ZBTB7C: variants seen among roughly 807,000 people sequenced by gnomAD.
The protein encoded by ZBTB7C is zinc finger and BTB domain-containing protein 7C.
A neutral mutation model predicts 25.7 loss-of-function variants in ZBTB7C; 8 were observed. The ratio of observed to expected loss-of-function variants is 0.31; its 90% CI spans 0.18 to 0.56. The LOEUF (loss-of-function observed/expected upper bound fraction) is 0.56. ZBTB7C is among the 20% of genes least tolerant of loss of function. The pLI is 0.91. For missense variants in ZBTB7C, 824 were observed against 855.2 expected (o/e 0.96, Z 0.46); for synonymous variants, 394 against 369.0 (o/e 1.07, Z -0.78).
intron 2 of ZBTB7C, among the ~76,000 whole-genome samples, chr18:48,239,364 G>T (rs1307747094): frequency 6.6e-6 from 1 of 152,190 alleles, no homozygotes; most frequent in Admixed American, 6.5e-5. Context: ...CCTTGAAAGT[G>T]CTACCTCCTG....
At chr18:48,081,563 A>G (rs372263406) in intron 3 of ZBTB7C, among the ~76,000 whole-genome samples, 3 of 151,222 alleles carry the variant, frequency 2.0e-5, no homozygotes, top group East Asian at 1.9e-4. Context: ...GGTTCATGCC[A>G]TTCTCCTGCC....
At chr18:48,199,372 T>A (rs1304535846) in intron 2 of ZBTB7C, among the ~76,000 whole-genome samples, 17 of 152,230 alleles carry the variant, frequency 1.1e-4, no homozygotes, top group Non-Finnish European at 1.5e-5. Flanking sequence ...TGTCTTCTTT[T>A]CCCACATTCT....
chr18:48,396,545 AG>A (rs1252806520), intron 1 of ZBTB7C, among the ~76,000 whole-genome samples: 5 of 152,234 alleles, frequency 3.3e-5, no homozygotes, highest in Non-Finnish European at 5.9e-5. Flanking sequence ...GTTTATATTT[AG>A]TTGTAAGCTA....
intron 2 of ZBTB7C, among the ~76,000 whole-genome samples, chr18:48,192,251 G>A (rs2042215103): frequency 6.6e-6 from 1 of 152,174 alleles, no homozygotes; most frequent in African/African-American, 2.4e-5. Context: ...ATGACATTCT[G>A]GAAAAGGCAC....
chr18:48,304,850 A>AAAAAAC, intron 2 of ZBTB7C, among the ~76,000 whole-genome samples: 1 of 151,472 alleles, frequency 6.6e-6, no homozygotes, highest in Non-Finnish European at 1.5e-5. Flanking sequence ...TCAAAAAAAA[A>AAAAAAC]AAAAAAAAAA....
At chr18:48,230,087 C>T (rs2043211878) in intron 2 of ZBTB7C, among the ~76,000 whole-genome samples, 1 of 152,190 alleles carries the variant, frequency 6.6e-6, no homozygotes. Context: ...GATGTATTAA[C>T]CCAACCCCAT....
intron 3 of ZBTB7C, among the ~76,000 whole-genome samples, chr18:48,061,680 A>G (rs2037131669): frequency 6.6e-6 from 1 of 152,228 alleles, no homozygotes; most frequent in Non-Finnish European, 1.5e-5. Flanking sequence ...GGGTCCCATG[A>G]CATATTTTCA....
chr18:48,399,172 G>A (rs1013633742), intron 1 of ZBTB7C, among the ~76,000 whole-genome samples: 15 of 152,290 alleles, frequency 9.8e-5, no homozygotes, highest in Middle Eastern at 3.4e-3. Context: ...AATACCATGC[G>A]CATGGATGCA....
At chr18:48,272,561 T>G (rs1219719185) in intron 2 of ZBTB7C, among the ~76,000 whole-genome samples, 1 of 152,178 alleles carries the variant, frequency 6.6e-6, no homozygotes, top group Non-Finnish European at 1.5e-5. Context: ...TTTACTAGAA[T>G]GCAAAATGGT....
chr18:48,154,544 C>T (rs892306146), intron 3 of ZBTB7C, among the ~76,000 whole-genome samples: 6 of 152,344 alleles, frequency 3.9e-5, no homozygotes, highest in African/African-American at 9.6e-5. Context: ...TTCCCTCTCC[C>T]GACTTAACAG....
chr18:48,124,709 T>C (rs1019578923), intron 3 of ZBTB7C, among the ~76,000 whole-genome samples: 4 of 152,190 alleles, frequency 2.6e-5, no homozygotes, highest in African/African-American at 9.7e-5. Context: ...GTTTGGTGTC[T>C]GTGAAGTGCT....
chr18:48,174,716 A>C (rs540239117), intron 3 of ZBTB7C, among the ~76,000 whole-genome samples: 9 of 152,372 alleles, frequency 5.9e-5, no homozygotes, highest in African/African-American at 1.9e-4. Flanking sequence ...AGAGTGAGGA[A>C]GACCTCTATG....
intron 1 of ZBTB7C, among the ~76,000 whole-genome samples, chr18:48,402,265 A>G (rs1599049703): frequency 9.6e-6 from 1 of 103,654 alleles, no homozygotes; most frequent in South Asian, 3.1e-4. Context: ...ATTTTTAGGT[A>G]AAAAAAAAAA....
At chr18:48,205,758 C>A (rs2042562721) in intron 2 of ZBTB7C, among the ~76,000 whole-genome samples, 1 of 151,982 alleles carries the variant, frequency 6.6e-6, no homozygotes, top group East Asian at 1.9e-4. Flanking sequence ...GAAATGACTA[C>A]TAGGTCAATA....
chr18:48,333,417 C>T (rs963033599), intron 2 of ZBTB7C, among the ~76,000 whole-genome samples: 1 of 152,138 alleles, frequency 6.6e-6, no homozygotes, highest in African/African-American at 2.4e-5. Flanking sequence ...ACTTTTAGAG[C>T]GCATGTACAC....
chr18:48,107,193 G>A (rs2039063242), intron 3 of ZBTB7C, among the ~76,000 whole-genome samples: 1 of 151,344 alleles, frequency 6.6e-6, no homozygotes, highest in Non-Finnish European at 1.5e-5. Context: ...AGGAAGGGAG[G>A]TCAGGAGGGA....
chr18:48,040,806 G>T lies in ZBTB7C; in HGVS notation c.302C>A (p.Ala101Asp). 6.2e-7 allele frequency: 1 copy of T among 1,614,046 alleles called. No homozygotes were observed. Among genetic ancestry groups the T allele is most frequent in the Non-Finnish European group, 8.5e-7 (1 of 1,179,960 alleles). The change falls in exon 4 of 5, where the codon GCT becomes GAT. Residue 101 changes from alanine (A) to aspartate (D), a missense_variant. Ala to Asp is a moderately radical substitution (Grantham distance 126, BLOSUM62 -2). Around this residue, in one of 4 missense-constraint regions of ZBTB7C, gnomAD observed 117 missense variants for 167.7 expected, o/e 0.70. Coordinates refer to ENST00000590800, the MANE Select transcript of ZBTB7C (RefSeq NM_001318841.2). ...FAYTSTLTIT[A>D]GNVKHILNAA... ...GTTGAGGATGTGCTTGACATTGCCA[G>T]CGGTGATGGTGAGCGTGGAGGTGTA...
At chr18:48,212,113 G>T (rs1234956879) in intron 2 of ZBTB7C, among the ~76,000 whole-genome samples, 2 of 152,186 alleles carry the variant, frequency 1.3e-5, no homozygotes, top group East Asian at 3.9e-4. Context: ...TCAGCACTTT[G>T]GGAGGCCAAA....
intron 3 of ZBTB7C, among the ~76,000 whole-genome samples, chr18:48,129,842 A>C (rs569774836): frequency 6.6e-6 from 1 of 152,270 alleles, no homozygotes; most frequent in Admixed American, 6.5e-5. Context: ...TGTCCTGTGA[A>C]TTGTCCAGTC....
Sources: gnomAD v4.1 joint callset for allele counts (sites outside exome capture counted in the v4.1 genomes callset) on GRCh38, gnomAD v4.1.1 for gene constraint, gnomAD v4.1.1 regional missense constraint, MANE v1.5 for transcripts, NCBI Gene and HGNC (gene_info 2026-07-23, HGNC 2026-07-21) for gene names.